MBOAT2: variants seen among roughly 807,000 people sequenced by gnomAD.
The protein encoded by MBOAT2 is membrane-bound glycerophospholipid O-acyltransferase 2.
A neutral mutation model predicts 63.4 loss-of-function variants in MBOAT2; 28 were observed. That is an observed-to-expected ratio of 0.44 (90% CI 0.33 to 0.61). The LOEUF is 0.61. Ranked by LOEUF, MBOAT2 falls within the 20% of genes least tolerant of loss-of-function variation. MBOAT2 has a pLI of 0.03. For missense variants in MBOAT2, 470 were observed against 605.8 expected (o/e 0.78, Z 2.35); for synonymous variants, 211 against 215.6 (o/e 0.98, Z 0.19).
At chr2:8,887,578 C>T (rs1488729650) in intron 5 of MBOAT2, among the ~76,000 whole-genome samples, 1 of 152,142 alleles carries the variant, frequency 6.6e-6, no homozygotes, top group Non-Finnish European at 1.5e-5. Context: ...TAGATGTCCA[C>T]TCACTGAAGA....
intron 1 of MBOAT2, among the ~76,000 whole-genome samples, chr2:8,999,678 C>T (rs1672553302): frequency 6.6e-6 from 1 of 152,176 alleles, no homozygotes; most frequent in African/African-American, 2.4e-5. Context: ...CAGTCCATTT[C>T]CCTCCTCAAA....
chr2:8,938,987 C>T (rs902555808), intron 3 of MBOAT2, among the ~76,000 whole-genome samples: 1 of 152,182 alleles, frequency 6.6e-6, no homozygotes. Context: ...TCTTAGCACA[C>T]AATATTAAAA....
chr2:8,983,261 G>A (rs1157965986), intron 1 of MBOAT2, among the ~76,000 whole-genome samples: 4 of 152,008 alleles, frequency 2.6e-5, no homozygotes, highest in African/African-American at 9.7e-5. Flanking sequence ...TCTAAAGTAA[G>A]GAAGAATAAA....
At chr2:8,884,344 A>G (rs1663384172) in intron 5 of MBOAT2, among the ~76,000 whole-genome samples, 2 of 151,960 alleles carry the variant, frequency 1.3e-5, no homozygotes, top group South Asian at 4.1e-4. Context: ...AGGAGGAAAA[A>G]AACACTTAAA....
At chr2:8,868,678 G>T in intron 8 of MBOAT2, 129 bp from the exon 9 acceptor site, 1 of 738,736 alleles carries the variant, frequency 1.4e-6, no homozygotes, top group Non-Finnish European at 2.2e-6. Flanking sequence ...TGATTTTTAA[G>T]TCAGAAACAA....
chr2:8,991,491 A>G (rs1342892204), intron 1 of MBOAT2, among the ~76,000 whole-genome samples: 1 of 152,248 alleles, frequency 6.6e-6, no homozygotes, highest in Non-Finnish European at 1.5e-5. Flanking sequence ...CAGCCAATTT[A>G]AGGATGAAAT....
intron 1 of MBOAT2, among the ~76,000 whole-genome samples, chr2:8,981,627 C>T (rs1219249088): frequency 6.6e-6 from 1 of 151,674 alleles, no homozygotes; most frequent in Non-Finnish European, 1.5e-5. Context: ...TGGGCCAACA[C>T]TCAAAGAAAA....
intron 1 of MBOAT2, among the ~76,000 whole-genome samples, chr2:8,966,914 T>C (rs1362048819): frequency 6.6e-6 from 1 of 152,246 alleles, no homozygotes; most frequent in African/African-American, 2.4e-5. Flanking sequence ...ATGTTGTTCA[T>C]AATAGCCAAA....
At chr2:8,951,547 C>A (rs1213730723) in intron 2 of MBOAT2, among the ~76,000 whole-genome samples, 3 of 152,158 alleles carry the variant, frequency 2.0e-5, no homozygotes, top group African/African-American at 7.2e-5. Flanking sequence ...AGCTGTGAAT[C>A]TATCTGGTCA....
intron 2 of MBOAT2, among the ~76,000 whole-genome samples, chr2:8,946,918 G>C: frequency 6.6e-6 from 1 of 152,208 alleles, no homozygotes; most frequent in East Asian, 1.9e-4. Flanking sequence ...GTGTTCAAGT[G>C]AAAGGAAAAG....
At chr2:8,895,969 G>A (rs895594294) in intron 4 of MBOAT2, among the ~76,000 whole-genome samples, 1 of 152,168 alleles carries the variant, frequency 6.6e-6, no homozygotes, top group Admixed American at 6.5e-5. Context: ...CGGGCACGGT[G>A]GCTCATGCCT....
chr2:8,913,501 T>A (rs967143892), intron 3 of MBOAT2, among the ~76,000 whole-genome samples: 2 of 150,840 alleles, frequency 1.3e-5, no homozygotes, highest in East Asian at 3.9e-4. Flanking sequence ...AACAATCCCA[T>A]CAAAAAGTGG....
At chr2:8,948,932 G>A (rs899585864) in intron 2 of MBOAT2, among the ~76,000 whole-genome samples, 2 of 152,154 alleles carry the variant, frequency 1.3e-5, no homozygotes, top group Non-Finnish European at 2.9e-5. Context: ...TTCCACAATG[G>A]CCGAACTAAC....
intron 1 of MBOAT2, among the ~76,000 whole-genome samples, chr2:8,993,970 C>T (rs1672092173): frequency 6.6e-6 from 1 of 152,182 alleles, no homozygotes; most frequent in Non-Finnish European, 1.5e-5. Flanking sequence ...TCAGTGCTAA[C>T]CACAACTCCG....
chr2:8,899,424 G>T (rs925709222), intron 4 of MBOAT2, among the ~76,000 whole-genome samples: 3 of 152,192 alleles, frequency 2.0e-5, no homozygotes, highest in African/African-American at 7.2e-5. Context: ...CAGGACAGGA[G>T]ATTAGCACTG....
intron 1 of MBOAT2, among the ~76,000 whole-genome samples, chr2:8,988,396 T>C (rs1671705416): frequency 6.6e-6 from 1 of 152,240 alleles, no homozygotes; most frequent in Non-Finnish European, 1.5e-5. Flanking sequence ...TACAGTTACC[T>C]TGGGGTGTAA....
chr2:8,885,999 T>C (rs1172280956), intron 5 of MBOAT2, among the ~76,000 whole-genome samples: 4 of 152,190 alleles, frequency 2.6e-5, no homozygotes, highest in Non-Finnish European at 5.9e-5. Flanking sequence ...CACAGTCCCC[T>C]ACACCGATAG....
At chr2:8,972,098 C>T (rs932458562) in intron 1 of MBOAT2, among the ~76,000 whole-genome samples, 1 of 152,192 alleles carries the variant, frequency 6.6e-6, no homozygotes, top group Non-Finnish European at 1.5e-5. Flanking sequence ...GGAGGCATCA[C>T]GCTACCTGAC....
At chr2:8,934,425 ACT>A in intron 3 of MBOAT2, among the ~76,000 whole-genome samples, 1 of 152,330 alleles carries the variant, frequency 6.6e-6, no homozygotes, top group African/African-American at 2.4e-5. Context: ...ATCACCATTT[ACT>A]AACTTCTGTT....
Sources: gnomAD v4.1 joint callset for allele counts (sites outside exome capture counted in the v4.1 genomes callset) on GRCh38, gnomAD v4.1.1 for gene constraint, MANE v1.5 for transcripts, NCBI Gene and HGNC (gene_info 2026-07-23, HGNC 2026-07-21) for gene names.